MARCO: variants seen among roughly 807,000 people sequenced by gnomAD.
The protein encoded by MARCO is macrophage receptor with collagenous structure.
Under a neutral mutation model 70.0 loss-of-function variants are expected in MARCO, and 72 were observed. That is an observed-to-expected ratio of 1.03 (90% CI 0.85 to 1.25). MARCO has a LOEUF of 1.25. Ranked by LOEUF, MARCO falls within the 50% of genes most tolerant of loss-of-function variation. The pLI is 0.00. For missense variants in MARCO, 696 were observed against 659.3 expected (o/e 1.06, Z -0.61); for synonymous variants, 273 against 243.1 (o/e 1.12, Z -1.14).
In MARCO at chr2:118,993,140, C is replaced by A. The variant is rs770184847; in HGVS notation, c.1269C>A (p.Ser423=). Residue 423 remains serine (S), a synonymous_variant, in exon 16 of 17, where the codon TCC becomes TCA. Transcript: ENST00000327097. The part of the protein sequence containing the change: ...EKGERGENSV[S]VRIVGSSNRG... Reference sequence around the variant, plus strand: ...TTCACCCAGGTGAAAACTCAGTGTCCGTCAGGATTGTCGGCAGTAGTAACC... The same window carrying A: ...TTCACCCAGGTGAAAACTCAGTGTCAGTCAGGATTGTCGGCAGTAGTAACC... 5.0e-6 allele frequency: 8 copies of A among 1,614,192 alleles called. No homozygotes were observed. Among genetic ancestry groups the A allele is most frequent in the South Asian group, 1.1e-5 (1 of 91,080 alleles).
At chr2:118,979,299 G>A (rs1437749574) in intron 8 of MARCO, among the ~76,000 whole-genome samples, 1 of 152,212 alleles carries the variant, frequency 6.6e-6, no homozygotes, top group Non-Finnish European at 1.5e-5. Flanking sequence ...AAGGGAGGAA[G>A]AATGATTCAG....
chr2:118,980,017 C>CT (rs768780498), intron 8 of MARCO, among the ~76,000 whole-genome samples: 12 of 152,232 alleles, frequency 7.9e-5, no homozygotes, highest in Non-Finnish European at 1.6e-4. Context: ...TGATGTGATA[C>CT]TGCCCTCTTC....
intron 2 of MARCO, among the ~76,000 whole-genome samples, chr2:118,969,562 A>G (rs1450815059): frequency 6.6e-6 from 1 of 152,226 alleles, no homozygotes; most frequent in Non-Finnish European, 1.5e-5. Flanking sequence ...CACTTCTGAC[A>G]TCTAAGACTC....
intron 1 of MARCO, among the ~76,000 whole-genome samples, chr2:118,953,850 T>C (rs560701358): frequency 6.6e-6 from 1 of 152,160 alleles, no homozygotes; most frequent in Non-Finnish European, 1.5e-5. Flanking sequence ...TACCTGGAGC[T>C]GATCAAGTTA....
At chr2:118,983,625 G>A (rs929813598) in intron 12 of MARCO, among the ~76,000 whole-genome samples, 4 of 152,188 alleles carry the variant, frequency 2.6e-5, no homozygotes, top group African/African-American at 7.2e-5. Flanking sequence ...GGGTATAGTC[G>A]TCAGATGTTC....
At chr2:118,981,292 T>TAGGAGC in intron 8 of MARCO, 117 bp from the exon 9 acceptor site, 1 of 695,896 alleles carries the variant, frequency 1.4e-6, no homozygotes, top group South Asian at 1.8e-5. Flanking sequence ...GGGCACCAAG[T>TAGGAGC]AGGAGCTCAA....
At position 118,994,366 on chromosome 2, in the gene MARCO, TC is replaced by T. The variant is rs752251604; in HGVS notation, c.1430-20del. The T allele has an allele frequency of 6.2e-7, 1 of 1,614,004 alleles. No individual in the cohort carries two copies. Among genetic ancestry groups the T allele is most frequent in the African/African-American group, 1.3e-5 (1 of 75,030 alleles). Reference sequence around the variant, plus strand: ...CTAATCCTACCCTTCTTCCTCTGTCTCTTGCTTTCTCTCTATCAAGGCACTG... The same window carrying T: ...CTAATCCTACCCTTCTTCCTCTGTCTTTGCTTTCTCTCTATCAAGGCACTG... On this transcript the variant is annotated intron_variant, in intron 16 of 16. Transcript: ENST00000327097.
chr2:118,962,506 T>C (rs889067718), intron 1 of MARCO, among the ~76,000 whole-genome samples: 8 of 152,052 alleles, frequency 5.3e-5, no homozygotes, highest in Non-Finnish European at 1.2e-4. Flanking sequence ...TTCACAATTT[T>C]GTTCTCTGCT....
At chr2:118,988,116 C>T (rs1680549974) in intron 12 of MARCO, among the ~76,000 whole-genome samples, 1 of 152,156 alleles carries the variant, frequency 6.6e-6, no homozygotes. Flanking sequence ...GCTGAAAGAT[C>T]AAACAAGGTC....
intron 12 of MARCO, among the ~76,000 whole-genome samples, chr2:118,985,035 G>T (rs3731611): frequency 0.14 from 21,520 of 152,060 alleles, 2,219 homozygotes; most frequent in East Asian, 0.5. Flanking sequence ...AAACATGAGC[G>T]GTCTGTTCAT....
At chr2:118,972,834 ACTT>A (rs1680198638) in intron 4 of MARCO, among the ~76,000 whole-genome samples, 1 of 152,248 alleles carries the variant, frequency 6.6e-6, no homozygotes. Context: ...CAATGCTTAA[ACTT>A]CTTCTCAACC....
At chr2:118,977,048 C>A (rs760495298) in intron 6 of MARCO, among the ~76,000 whole-genome samples, 34 of 152,170 alleles carry the variant, frequency 2.2e-4, no homozygotes, top group Non-Finnish European at 3.4e-4. Context: ...GGAACTAGCT[C>A]TCTTGGTAAC....
At position 118,970,174 on chromosome 2, in the gene MARCO, C is replaced by A; in HGVS notation, c.260C>A (p.Ala87Glu). The A allele has an allele frequency of 6.2e-7, 1 of 1,614,096 alleles. No homozygotes were observed. Among genetic ancestry groups the A allele is most frequent in the Non-Finnish European group, 8.5e-7 (1 of 1,180,026 alleles). ...LEMYFLNDTLAAEDSPSFSLL... is the reference protein window; with the variant it reads ...LEMYFLNDTLEAEDSPSFSLL... ...ATGTATTTCCTCAATGACACTCTGG[C>A]GGCTGAGGACAGCCCGTCCTTCTCC... The change falls in exon 3 of 17, where the codon GCG (alanine) becomes GAG (glutamate). Residue 87 changes from alanine (A) to glutamate (E), a missense_variant. By Grantham distance (107) the Ala-to-Glu change is moderately radical (BLOSUM62 -1). Around this residue, in one of 3 missense-constraint regions of MARCO, gnomAD observed 605 missense variants for 537.6 expected, o/e 1.13. Transcript: ENST00000327097.
At chr2:118,953,589 C>A (rs1679770128) in intron 1 of MARCO, among the ~76,000 whole-genome samples, 1 of 152,084 alleles carries the variant, frequency 6.6e-6, no homozygotes, top group Non-Finnish European at 1.5e-5. Context: ...GATTTCTGCT[C>A]CAGACAGAGC....
intron 1 of MARCO, among the ~76,000 whole-genome samples, chr2:118,950,226 C>A (rs1464778177): frequency 6.6e-6 from 1 of 152,024 alleles, no homozygotes; most frequent in Admixed American, 6.6e-5. Flanking sequence ...ACATATGTAT[C>A]CAATTTTAAT....
At chr2:118,950,822 T>C (rs1172106914) in intron 1 of MARCO, among the ~76,000 whole-genome samples, 3 of 152,038 alleles carry the variant, frequency 2.0e-5, no homozygotes, top group Non-Finnish European at 2.9e-5. Context: ...TCAAAGATGA[T>C]AGCCATTCTT....
chr2:118,983,467 C>T (rs978306967), intron 12 of MARCO, among the ~76,000 whole-genome samples: 3 of 152,202 alleles, frequency 2.0e-5, no homozygotes, highest in Non-Finnish European at 4.4e-5. Flanking sequence ...CGCAGTTTTA[C>T]ACCCTCTCTG....
chr2:118,988,761 A>G (rs977159930), intron 12 of MARCO, among the ~76,000 whole-genome samples: 3 of 152,134 alleles, frequency 2.0e-5, no homozygotes, highest in African/African-American at 7.2e-5. Context: ...TAAGCCCTTC[A>G]GGTCAATAGC....
At chr2:118,984,570 CA>C (rs1179578041) in intron 12 of MARCO, among the ~76,000 whole-genome samples, 1 of 152,172 alleles carries the variant, frequency 6.6e-6, no homozygotes, top group African/African-American at 2.4e-5. Context: ...CACCCGAGTC[CA>C]AATGTTTTCC....
Sources: gnomAD v4.1 joint callset for allele counts (sites outside exome capture counted in the v4.1 genomes callset) on GRCh38, gnomAD v4.1.1 for gene constraint, gnomAD v4.1.1 regional missense constraint, MANE v1.5 for transcripts, NCBI Gene and HGNC (gene_info 2026-07-23, HGNC 2026-07-21) for gene names.